MGST2: variants seen among roughly 807,000 people sequenced by gnomAD.
MGST2 encodes the protein glutathione peroxidase MGST2.
Under a neutral mutation model 16.6 loss-of-function variants are expected in MGST2, and 9 were observed. The ratio of observed to expected loss-of-function variants is 0.54; its 90% CI spans 0.33 to 0.95. The LOEUF (loss-of-function observed/expected upper bound fraction) is 0.95, where lower values mean the gene tolerates loss of function less well. Ranked by LOEUF, MGST2 falls within the 40% of genes least tolerant of loss-of-function variation. The pLI, the probability that MGST2 is intolerant of heterozygous loss-of-function variation, is 0.03. For synonymous variants in MGST2, 79 were observed against 68.0 expected (o/e 1.16, Z -0.79); for missense variants, 159 against 175.1 (o/e 0.91, Z 0.52).
the MGST2 span, among the ~76,000 whole-genome samples, chr4:139,752,734 G>A: frequency 6.6e-6 from 1 of 152,060 alleles, no homozygotes; most frequent in African/African-American, 2.4e-5. Context: ...ATCGAAGATC[G>A]CAGCACTAAC....
At chr4:139,734,547 A>G (rs2111002476) in intron 5 of MGST2, among the ~76,000 whole-genome samples, 1 of 152,320 alleles carries the variant, frequency 6.6e-6, no homozygotes, top group Non-Finnish European at 1.5e-5. Flanking sequence ...ATCAAAACCA[A>G]CGAACCTATT....
intron 5 of MGST2, chr4:139,719,290 C>T: frequency 6.5e-7 from 1 of 1,530,042 alleles, no homozygotes; most frequent in Non-Finnish European, 8.8e-7. Flanking sequence ...AAGCTTTAAC[C>T]ACTCGAGTTG....
At chr4:139,727,809 T>C (rs1728537722) in intron 5 of MGST2, among the ~76,000 whole-genome samples, 1 of 152,232 alleles carries the variant, frequency 6.6e-6, no homozygotes, top group African/African-American at 2.4e-5. Flanking sequence ...TTCCCTCACA[T>C]GTCCTTTCAG....
chr4:139,723,085 T>C (rs1272462871), intron 5 of MGST2, among the ~76,000 whole-genome samples: 1 of 152,228 alleles, frequency 6.6e-6, no homozygotes, highest in Non-Finnish European at 1.5e-5. Context: ...TAGTATCTTA[T>C]TGGTTGAGGA....
chr4:139,732,332 G>C (rs1048327006), intron 5 of MGST2, among the ~76,000 whole-genome samples: 15 of 152,040 alleles, frequency 9.9e-5, no homozygotes, highest in Admixed American at 6.6e-4. Context: ...CCTTCCTTCT[G>C]TGGTGTGCTG....
chr4:139,672,408 C>T (rs1730744975), intron 1 of MGST2, among the ~76,000 whole-genome samples: 1 of 152,092 alleles, frequency 6.6e-6, no homozygotes, highest in African/African-American at 2.4e-5. Flanking sequence ...ATGGACAAAT[C>T]CCTTTAGCTG....
chr4:139,747,024 T>A, the MGST2 span, among the ~76,000 whole-genome samples: 1 of 152,184 alleles, frequency 6.6e-6, no homozygotes, highest in Non-Finnish European at 1.5e-5. Context: ...CTTCTCACTG[T>A]TCCTGTGTTT....
chr4:139,719,063 A>G, intron 5 of MGST2: 1 of 447,676 alleles, frequency 2.2e-6, no homozygotes, highest in Non-Finnish European at 3.9e-6. Context: ...TCATCTTCCC[A>G]CCTGCTCCTC....
At chr4:139,736,418 A>C (rs949467775) in intron 5 of MGST2, among the ~76,000 whole-genome samples, 2 of 152,180 alleles carry the variant, frequency 1.3e-5, no homozygotes, top group Admixed American at 6.5e-5. Context: ...TCGAACACCC[A>C]CGATGGCTAG....
At chr4:139,710,617 A>G (rs1052730166) in intron 5 of MGST2, among the ~76,000 whole-genome samples, 1 of 152,116 alleles carries the variant, frequency 6.6e-6, no homozygotes, top group Admixed American at 6.5e-5. Context: ...TATCAAAAGA[A>G]CAAAGCCCAA....
At chr4:139,666,898 CCTCCG>C (rs1211208613) in intron 1 of MGST2, among the ~76,000 whole-genome samples, 1 of 152,178 alleles carries the variant, frequency 6.6e-6, no homozygotes. Context: ...CCAGTCCAGG[CCTCCG>C]TGCATGCTCA....
intron 1 of MGST2, among the ~76,000 whole-genome samples, chr4:139,666,967 G>C (rs926691780): frequency 3.9e-5 from 6 of 152,208 alleles, no homozygotes; most frequent in African/African-American, 1.2e-4. Context: ...TGAACCTTCA[G>C]ACTCACGTTT....
chr4:139,704,179 G>C lies in MGST2; in HGVS notation c.*31G>C. Reference sequence around the variant, plus strand: ...TCTCTTCCCTTTAATACTTGCAGAAGCTGTTCCCACCATGAAGGTAATATG... The same window carrying C: ...TCTCTTCCCTTTAATACTTGCAGAACCTGTTCCCACCATGAAGGTAATATG... On this transcript the variant is annotated 3_prime_UTR_variant, in exon 5 of 5. Transcript: ENST00000265498. 1 of 1,612,166 alleles carries C rather than the reference G, an allele frequency of 6.2e-7. No homozygotes were observed. The highest frequency in any genetic ancestry group is 1.3e-5 in the African/African-American group (1 of 74,982).
intron 1 of MGST2, among the ~76,000 whole-genome samples, chr4:139,672,056 T>C (rs1185332495): frequency 6.6e-6 from 1 of 152,158 alleles, no homozygotes; most frequent in Non-Finnish European, 1.5e-5. Flanking sequence ...TGAATCCTCT[T>C]TCTTGGGGCT....
chr4:139,725,732 G>A, intron 5 of MGST2: 2 of 1,611,960 alleles, frequency 1.2e-6, no homozygotes, highest in Non-Finnish European at 1.7e-6. Flanking sequence ...TAAAATGAGA[G>A]AGGTTGCACT....
intron 2 of MGST2, among the ~76,000 whole-genome samples, chr4:139,691,697 G>GATTATT (rs3841989): frequency 2.9e-5 from 4 of 137,488 alleles, no homozygotes; most frequent in East Asian, 2.0e-4. Flanking sequence ...TGATGATGAT[G>GATTATT]ATTATTATTA....
chr4:139,683,625 A>G (rs1731383878), intron 2 of MGST2, among the ~76,000 whole-genome samples: 2 of 152,182 alleles, frequency 1.3e-5, no homozygotes, highest in African/African-American at 4.8e-5. Context: ...AGCTGGAAAT[A>G]TAAATTCAGG....
intron 5 of MGST2, among the ~76,000 whole-genome samples, chr4:139,729,175 A>C (rs1383879575): frequency 6.6e-6 from 1 of 151,808 alleles, no homozygotes; most frequent in African/African-American, 2.4e-5. Flanking sequence ...AAAAAAAAAA[A>C]AAAAGGGAAC....
intron 2 of MGST2, 26 bp from the exon 3 acceptor site, chr4:139,695,171 A>T: frequency 6.6e-7 from 1 of 1,521,798 alleles, no homozygotes; most frequent in Non-Finnish European, 9.1e-7. Flanking sequence ...TCATAAAATA[A>T]CCTATGTCTT....
Sources: allele counts gnomAD v4.1 joint callset (sites outside exome capture counted in the v4.1 genomes callset), GRCh38; gene constraint gnomAD v4.1.1; transcripts MANE v1.5; gene names NCBI Gene and HGNC (gene_info 2026-07-23, HGNC 2026-07-21).